Variants in DIAPH1 observed in about 807,000 individuals in gnomAD.
The protein encoded by DIAPH1 is protein diaphanous homolog 1.
A neutral mutation model predicts 140.7 loss-of-function variants in DIAPH1; 46 were observed. The observed-to-expected ratio is 0.33, with a 90% CI of 0.26 to 0.42. The LOEUF (loss-of-function observed/expected upper bound fraction) is 0.42. Ranked by LOEUF, DIAPH1 falls within the 10% of genes least tolerant of loss-of-function variation. DIAPH1 has a pLI of 1.00. For missense variants in DIAPH1, 1,310 were observed against 1,558.7 expected (o/e 0.84, Z 2.69); for synonymous variants, 565 against 551.6 (o/e 1.02, Z -0.34).
Position 141,524,145 on chromosome 5 carries a change from T to C in DIAPH1, c.3659A>G (p.Gln1220Arg). ...AAFRRKRGPR[Q>R]ANRKAGCAVT... The stretch of plus-strand genomic sequence containing the variant: ...ATGAGCTCCATGTGCTTACTTACCT[T>C]GACGGGGCCCTCTCTTCCGTCGGAA... Residue 1220 changes from glutamine (Q) to arginine (R), a missense_variant and splice_region_variant, in exon 27 of 28, where the codon CAA becomes CGA. Gln to Arg is a conservative substitution (Grantham distance 43, BLOSUM62 1). Transcript: ENST00000389054. 5.0e-6 allele frequency: 8 copies of C among 1,614,056 alleles called. No homozygotes were observed. The highest frequency in any genetic ancestry group is 6.8e-6 in the Non-Finnish European group (8 of 1,179,972).
intron 1 of DIAPH1, among the ~76,000 whole-genome samples, chr5:141,607,243 CA>C (rs1257721341): frequency 6.6e-6 from 1 of 152,034 alleles, no homozygotes; most frequent in Non-Finnish European, 1.5e-5. Flanking sequence ...GAAGAAACAA[CA>C]GGGCCCAAAG....
chr5:141,548,362 G>C (rs1167165301), intron 18 of DIAPH1, among the ~76,000 whole-genome samples: 1 of 150,862 alleles, frequency 6.6e-6, no homozygotes, highest in African/African-American at 2.4e-5. Flanking sequence ...TTCATTAGCA[G>C]CAGACCTGAA....
At chr5:141,618,720 G>T in intron 1 of DIAPH1, 78 bp downstream of exon 1, 1 of 1,077,618 alleles carries the variant, frequency 9.3e-7, no homozygotes, top group Non-Finnish European at 1.4e-6. Context: ...AAGCCGGGCA[G>T]GCGCCCCAGG....
At chr5:141,581,011 T>C (rs2099896669) in intron 7 of DIAPH1, 128 bp from the exon 8 acceptor site, 1 of 1,017,444 alleles carries the variant, frequency 9.8e-7, no homozygotes, top group Non-Finnish European at 1.5e-6. Flanking sequence ...CAACCCCCAG[T>C]ACCTCAAAAT....
In DIAPH1 at chr5:141,573,648, T is replaced by G; in HGVS notation, c.2202A>C (p.Gly734=). The change falls in exon 16 of 28, where the codon GGA becomes GGC. Residue 734 remains glycine (G), a synonymous_variant. Coordinates refer to ENST00000389054, the MANE Select transcript of DIAPH1 (RefSeq NM_005219.5). The part of the protein sequence containing the change: ...PGIPPPPPFP[G]GPGIPPPPPG... Reference sequence around the variant, plus strand: ...GTGGAGGTGGAGGAATGCCAGGGCCTCCGGGAAATGGAGGAGGTGGAGGGA... The same window carrying G: ...GTGGAGGTGGAGGAATGCCAGGGCCGCCGGGAAATGGAGGAGGTGGAGGGA... The G allele has an allele frequency of 6.2e-7, 1 of 1,611,344 alleles. No homozygotes were observed. Among genetic ancestry groups the G allele is most frequent in the Non-Finnish European group, 8.5e-7 (1 of 1,179,098 alleles).
At chr5:141,576,074 C>G (rs1216773809) in intron 14 of DIAPH1, among the ~76,000 whole-genome samples, 156 bp downstream of exon 14, 3 of 152,222 alleles carry the variant, frequency 2.0e-5, no homozygotes, top group African/African-American at 7.2e-5. Flanking sequence ...TCTCCAATGA[C>G]TACCCTATAC....
chr5:141,588,601 T>C (rs1448542762), intron 1 of DIAPH1, among the ~76,000 whole-genome samples: 1 of 151,810 alleles, frequency 6.6e-6, no homozygotes, highest in Non-Finnish European at 1.5e-5. Flanking sequence ...CAGTGAGATA[T>C]CAATTCACAC....
intron 1 of DIAPH1, among the ~76,000 whole-genome samples, chr5:141,600,441 T>C (rs1369028164): frequency 1.3e-5 from 2 of 152,208 alleles, no homozygotes; most frequent in Admixed American, 1.3e-4. Flanking sequence ...TGTTTTAAGC[T>C]AGTAAGTTTG....
chr5:141,530,801 C>T (rs1364770356), intron 19 of DIAPH1, among the ~76,000 whole-genome samples: 5 of 152,158 alleles, frequency 3.3e-5, no homozygotes, highest in African/African-American at 4.8e-5. Flanking sequence ...CTTTTGGAAT[C>T]GCCTAGAAGA....
At chr5:141,578,010 A>G (rs2099896210) in intron 11 of DIAPH1, 1 of 621,766 alleles carries the variant, frequency 1.6e-6, no homozygotes, top group Non-Finnish European at 2.9e-6. Context: ...TTCCATGCTC[A>G]ACAACCCTCA....
intron 22 of DIAPH1, 23 bp from the exon 23 acceptor site, chr5:141,528,605 T>C (rs1487671124): frequency 7.4e-6 from 12 of 1,614,224 alleles, no homozygotes; most frequent in Non-Finnish European, 1.0e-5. Context: ...GGAGAAACTG[T>C]TAAATCCTGA....
chr5:141,579,105 TTC>T lies in DIAPH1; in HGVS notation c.914_915del (p.Gly305AspfsTer24). On this transcript the variant is annotated frameshift_variant, in exon 9 of 28. Coordinates refer to ENST00000389054, the MANE Select transcript of DIAPH1 (RefSeq NM_005219.5). LOFTEE classifies it high-confidence loss of function. ...ATACATGCCTTCAGTGCAATAGTGG[TTC>T]CACTTTTTAATCCATCCAGCAGCGG... ...FQPLLDGLKS[G>X]TTIALKVGCL... The T allele has an allele frequency of 1.2e-6, 2 of 1,613,900 alleles. No homozygotes were observed. The highest frequency in any genetic ancestry group is 1.7e-6 in the Non-Finnish European group (2 of 1,179,764).
At chr5:141,577,644 C>A (rs935502725) in intron 11 of DIAPH1, 53 bp from the exon 12 acceptor site, 1 of 1,180,358 alleles carries the variant, frequency 8.5e-7, no homozygotes, top group Non-Finnish European at 1.3e-6. Flanking sequence ...TTATGTTTGA[C>A]AGGTGGCTTA....
At position 141,607,309 on chromosome 5, in the gene DIAPH1, T is replaced by C. The variant is rs3805688; in HGVS notation, c.117+11489A>G. Among the ~76,000 whole-genome samples, 128 of 152,362 alleles carry C rather than the reference T, an allele frequency of 8.4e-4. 4 individuals are homozygous for C. In the East Asian group the frequency reaches 0.022, roughly 27 times the overall value. ...TACCTATCTGAGCCCATAATTTTCT[T>C]ATACATCCTTGAGATCCAGCTGAAG... is the stretch of plus-strand genomic sequence containing the variant. On this transcript the variant is annotated intron_variant, in intron 1 of 27. Coordinates refer to ENST00000389054, the MANE Select transcript of DIAPH1 (RefSeq NM_005219.5).
chr5:141,550,333 A>G (rs1309444127), intron 18 of DIAPH1, among the ~76,000 whole-genome samples: 1 of 152,236 alleles, frequency 6.6e-6, no homozygotes, highest in Non-Finnish European at 1.5e-5. Flanking sequence ...GAACTATAAC[A>G]AAGAGTCTGA....
chr5:141,596,248 A>G (rs2099899304), intron 1 of DIAPH1, among the ~76,000 whole-genome samples: 2 of 151,944 alleles, frequency 1.3e-5, no homozygotes, highest in Admixed American at 6.6e-5. Flanking sequence ...CAGGAGAATC[A>G]CTTGAACCCG....
At chr5:141,617,462 A>G (rs528751874) in intron 1 of DIAPH1, among the ~76,000 whole-genome samples, 109 of 152,344 alleles carry the variant, frequency 7.2e-4, no homozygotes, top group Middle Eastern at 3.4e-3. Flanking sequence ...CTCCAGGGTT[A>G]ACATCTCAAC....
intron 18 of DIAPH1, among the ~76,000 whole-genome samples, chr5:141,545,817 T>C: frequency 6.6e-6 from 1 of 152,208 alleles, no homozygotes; most frequent in East Asian, 1.9e-4. Flanking sequence ...AAAATAGTCA[T>C]TGACAATGAC....
intron 26 of DIAPH1, chr5:141,524,530 GC>G (rs1562280499): frequency 2.3e-6 from 1 of 443,080 alleles, no homozygotes; most frequent in Non-Finnish European, 4.2e-6. Context: ...TTATACAACT[GC>G]CCAACTCCAA....
Sources: gnomAD v4.1 joint callset for allele counts (sites outside exome capture counted in the v4.1 genomes callset) on GRCh38, gnomAD v4.1.1 for gene constraint, MANE v1.5 for transcripts, NCBI Gene and HGNC (gene_info 2026-07-23, HGNC 2026-07-21) for gene names.